The following RUNX2 variants were observed in gnomAD, a reference collection of about 807,000 sequenced individuals.
RUNX2 encodes runt-related transcription factor 2.
In RUNX2, 10 loss-of-function variants were observed where a neutral mutation model predicts 51.7. The ratio of observed to expected loss-of-function variants is 0.19; its 90% confidence interval spans 0.12 to 0.33. The LOEUF is 0.33. RUNX2 is among the 10% of genes least tolerant of loss of function. The pLI is 1.00. For synonymous variants in RUNX2, 276 were observed against 273.6 expected (o/e 1.01, Z -0.09); for missense variants, 562 against 691.3 (o/e 0.81, Z 2.10).
chr6:45,409,293 G>T (rs1047169836), intron 2 of RUNX2, among the ~76,000 whole-genome samples: 1 of 152,154 alleles, frequency 6.6e-6, no homozygotes, highest in Non-Finnish European at 1.5e-5. Flanking sequence ...AGAGTGGGTA[G>T]ACTGAAAGAT....
At chr6:45,490,309 T>C (rs1800424331) in intron 5 of RUNX2, among the ~76,000 whole-genome samples, 1 of 152,220 alleles carries the variant, frequency 6.6e-6, no homozygotes. Context: ...TTTTTCCTGT[T>C]CATTTTTCTC....
At chr6:45,396,743 A>G (rs1334837382) in intron 2 of RUNX2, among the ~76,000 whole-genome samples, 2 of 152,164 alleles carry the variant, frequency 1.3e-5, no homozygotes, top group African/African-American at 4.8e-5. Context: ...TTTCATATAA[A>G]TAGAATTATA....
intron 3 of RUNX2, among the ~76,000 whole-genome samples, chr6:45,428,759 A>C (rs1448144273): frequency 6.6e-6 from 1 of 152,116 alleles, no homozygotes; most frequent in East Asian, 1.9e-4. Context: ...TAACTAAAAA[A>C]AAATTCATTA....
At chr6:45,498,016 A>T (rs1934328) in intron 6 of RUNX2, among the ~76,000 whole-genome samples, 74,909 of 151,946 alleles carry the variant, frequency 0.49, 18,910 homozygotes, top group African/African-American at 0.58. Flanking sequence ...ATGAGATAGG[A>T]GGCATTCTTA....
chr6:45,405,646 G>A (rs1429373636), intron 2 of RUNX2, among the ~76,000 whole-genome samples: 5 of 152,080 alleles, frequency 3.3e-5, no homozygotes, highest in African/African-American at 4.8e-5. Context: ...AAAATTAGCC[G>A]GGCGGTGGTG....
intron 2 of RUNX2, among the ~76,000 whole-genome samples, chr6:45,389,873 G>A (rs1227598449): frequency 6.6e-6 from 1 of 151,976 alleles, no homozygotes; most frequent in African/African-American, 2.4e-5. Flanking sequence ...AGGTATGGTG[G>A]TGCACACCTG....
intron 6 of RUNX2, among the ~76,000 whole-genome samples, chr6:45,501,272 T>A (rs1209906783): frequency 6.6e-6 from 1 of 152,246 alleles, no homozygotes; most frequent in Admixed American, 6.5e-5. Flanking sequence ...CCCATCACAC[T>A]GTGGCTGTCA....
intron 2 of RUNX2, among the ~76,000 whole-genome samples, chr6:45,418,152 G>T (rs1231546479): frequency 1.7e-5 from 2 of 118,838 alleles, no homozygotes; most frequent in Non-Finnish European, 3.5e-5. Flanking sequence ...ATTTTACAGG[G>T]ACTTATTCTA....
intron 5 of RUNX2, among the ~76,000 whole-genome samples, chr6:45,466,121 C>T (rs1404652905): frequency 1.3e-5 from 2 of 151,940 alleles, no homozygotes; most frequent in African/African-American, 2.4e-5. Context: ...CGAGACCAAC[C>T]TGGCCAACAT....
intron 2 of RUNX2, among the ~76,000 whole-genome samples, chr6:45,352,708 G>A (rs1428731231): frequency 2.0e-5 from 3 of 151,988 alleles, no homozygotes; most frequent in Non-Finnish European, 2.9e-5. Context: ...ATAATCTACT[G>A]TAGAAATAAT....
chr6:45,457,965 G>A (rs1266404769), intron 5 of RUNX2, among the ~76,000 whole-genome samples: 2 of 152,006 alleles, frequency 1.3e-5, no homozygotes, highest in African/African-American at 2.4e-5. Context: ...GGCAATGAAG[G>A]CTCTCTGACA....
At position 45,328,663 on chromosome 6, in the gene RUNX2, T is replaced by G; in HGVS notation, c.-64T>G. ...TTGGGTATGGTTTGTATTTTCAGTT[T>G]AAGGCTGCAAGCAGTATTTACAACA... On this transcript the variant is annotated splice_region_variant and 5_prime_UTR_variant, in exon 2 of 9. The change abolishes the stop of an existing upstream ORF in the 5' untranslated region. Coordinates refer to ENST00000647337, the MANE Select transcript of RUNX2 (RefSeq NM_001024630.4). The G allele has an allele frequency of 6.2e-7, 1 of 1,611,392 alleles. No homozygotes were observed. Among genetic ancestry groups the G allele is most frequent in the Non-Finnish European group, 8.5e-7 (1 of 1,178,146 alleles).
At position 45,328,793 on chromosome 6, in the gene RUNX2, T is replaced by C. The variant is rs769455437; in HGVS notation, c.58+9T>C. On this transcript the variant is annotated intron_variant, in intron 2 of 8. Transcript: ENST00000647337. ...GCAAAACTTCTTTTGGGGTAAGTGT[T>C]ACCATTTTTAAAATCCTGTAAGATA... 56 of 1,611,600 alleles carry C rather than the reference T, an allele frequency of 3.5e-5. No individual in the cohort carries two copies. The highest frequency in any genetic ancestry group is 8.4e-5 in the Admixed American group (5 of 59,768).
chr6:45,346,827 A>T (rs1220330586), intron 2 of RUNX2, among the ~76,000 whole-genome samples: 1 of 152,152 alleles, frequency 6.6e-6, no homozygotes, highest in Non-Finnish European at 1.5e-5. Flanking sequence ...GGCCCCCCAA[A>T]GTGCTAGGAT....
In RUNX2 at chr6:45,493,730, CTGTG is replaced by C. The variant is rs34362546; in HGVS notation, c.859+1640_859+1643del. On this transcript the variant is annotated intron_variant, in intron 6 of 8. Transcript: ENST00000647337. Reference sequence around the variant, plus strand: ...TTTTGTCTTTATAGTAATCCTTAGACTGTGTGTGTGTGTGTGTGTGTGTGTGTTT... The same window carrying C: ...TTTTGTCTTTATAGTAATCCTTAGACTGTGTGTGTGTGTGTGTGTGTGTTT... Among the ~76,000 whole-genome samples the C allele has an allele frequency of 7.4e-3, 1,085 of 147,046 alleles. 10 individuals are homozygous for C. Among genetic ancestry groups the C allele is most frequent in the African/African-American group, 0.025 (984 of 40,114 alleles).
At chr6:45,464,915 A>G (rs574929661) in intron 5 of RUNX2, among the ~76,000 whole-genome samples, 18 of 152,228 alleles carry the variant, frequency 1.2e-4, no homozygotes, top group Non-Finnish European at 2.1e-4. Context: ...AGTGTCTGGA[A>G]CATTTATCTA....
intron 7 of RUNX2, among the ~76,000 whole-genome samples, chr6:45,525,346 C>T (rs6904353): frequency 0.47 from 72,091 of 152,058 alleles, 18,636 homozygotes; most frequent in African/African-American, 0.68. Flanking sequence ...ACTGATAAAA[C>T]AGCAGTTGCT....
At position 45,485,693 on chromosome 6, in the gene RUNX2, G is replaced by GTATA. The variant is rs1257977356; in HGVS notation, c.686-6247_686-6246insATAT. Among the ~76,000 whole-genome samples the GTATA allele has an allele frequency of 1.5e-3, 152 of 101,868 alleles. 1 individual carries two copies. The highest frequency in any genetic ancestry group is 5.8e-3 in the African/African-American group (145 of 24,954). The allele number at this position is 101,868 out of a possible 152,430, so 66.8% of individuals were successfully genotyped here. ...TATGTATGTGTGTGTGTGTGTGTGT[G>GTATA]TGTGTATATATATATATATATATAC... On this transcript the variant is annotated intron_variant, in intron 5 of 8. Transcript: ENST00000647337.
At chr6:45,350,510 C>T (rs1791790956) in intron 2 of RUNX2, among the ~76,000 whole-genome samples, 1 of 152,148 alleles carries the variant, frequency 6.6e-6, no homozygotes, top group Non-Finnish European at 1.5e-5. Context: ...GCTCAAGCTG[C>T]TTTCTCACAG....
Sources: gnomAD v4.1 joint callset for allele counts (sites outside exome capture counted in the v4.1 genomes callset) on GRCh38, gnomAD v4.1.1 for gene constraint, MANE v1.5 for transcripts, NCBI Gene and HGNC (gene_info 2026-07-23, HGNC 2026-07-21) for gene names.